The following SDC2 variants were observed in gnomAD, a reference collection of about 807,000 sequenced individuals.
The protein encoded by SDC2 is syndecan 2, also known as syndecan-2.
A neutral mutation model predicts 22.2 loss-of-function variants in SDC2; 13 were observed. The observed-to-expected ratio is 0.59, with a 90% CI of 0.38 to 0.93. The LOEUF is 0.93. Ranked by LOEUF, SDC2 falls within the 40% of genes least tolerant of loss-of-function variation. The pLI is 0.00. For synonymous variants in SDC2, 94 were observed against 92.8 expected, an observed-to-expected ratio of 1.01 and a Z score of -0.07; for missense variants, 235 against 246.8, an observed-to-expected ratio of 0.95 and a Z score of 0.32.
At chr8:96,563,009 C>T (rs1467311886) in intron 1 of SDC2, among the ~76,000 whole-genome samples, 2 of 152,108 alleles carry the variant, frequency 1.3e-5, no homozygotes, top group Non-Finnish European at 2.9e-5. Flanking sequence ...AATTTGTTTT[C>T]GTGGCTCTGT....
At chr8:96,591,089 C>T (rs1211844551) in intron 1 of SDC2, among the ~76,000 whole-genome samples, 1 of 152,160 alleles carries the variant, frequency 6.6e-6, no homozygotes, top group Non-Finnish European at 1.5e-5. Context: ...GCCCATCTGC[C>T]TGGTAGCATG....
At chr8:96,551,318 A>C (rs578046100) in intron 1 of SDC2, among the ~76,000 whole-genome samples, 1 of 152,282 alleles carries the variant, frequency 6.6e-6, no homozygotes, top group Non-Finnish European at 1.5e-5. Context: ...ATCGAAACTC[A>C]CCTCTTTTCA....
rs973670145 is a variant in SDC2, at chr8:96,611,083, G to C, written c.*1535G>C. The C allele has an allele frequency of 6.6e-6, 1 of 152,594 alleles. No homozygotes were observed. Among genetic ancestry groups the C allele is most frequent in the African/African-American group, 2.4e-5 (1 of 41,426 alleles). The allele number at this position is 152,594 out of a possible 1,614,324, so 9.5% of individuals were successfully genotyped here. On this transcript the variant is annotated 3_prime_UTR_variant, in exon 5 of 5. Coordinates refer to ENST00000302190, the MANE Select transcript of SDC2 (RefSeq NM_002998.4). The stretch of plus-strand genomic sequence containing the variant: ...AAATGTCTACTGAAGCTTAACCGAA[G>C]AACTAATAAATGGACTACAGTAGCT...
chr8:96,604,080 A>G (rs893433981), intron 3 of SDC2, among the ~76,000 whole-genome samples: 3 of 152,190 alleles, frequency 2.0e-5, no homozygotes, highest in Admixed American at 6.5e-5. Flanking sequence ...TTATTTGACC[A>G]CTTCTCTTGA....
chr8:96,607,507 T>C (rs146419165), intron 3 of SDC2, among the ~76,000 whole-genome samples: 2,616 of 152,306 alleles, frequency 0.017, 72 homozygotes, highest in African/African-American at 0.059. Flanking sequence ...AAAAGGAGGT[T>C]GATCTGATTC....
chr8:96,540,258 G>A (rs994564291), intron 1 of SDC2, among the ~76,000 whole-genome samples: 3 of 150,966 alleles, frequency 2.0e-5, no homozygotes, highest in East Asian at 3.9e-4. Context: ...TTGGGAGGCC[G>A]AGGTGGGTGG....
chr8:96,580,791 T>C (rs889255553), intron 1 of SDC2, among the ~76,000 whole-genome samples: 1 of 152,192 alleles, frequency 6.6e-6, no homozygotes, highest in Admixed American at 6.5e-5. Context: ...CATTGGCTAC[T>C]TTACAGAAGG....
chr8:96,572,061 A>G (rs1202849577), intron 1 of SDC2, among the ~76,000 whole-genome samples: 1 of 152,176 alleles, frequency 6.6e-6, no homozygotes, highest in East Asian at 1.9e-4. Flanking sequence ...TGCTGGCTCA[A>G]GCAGTCTCGT....
chr8:96,591,342 T>A (rs1022149228), intron 1 of SDC2, among the ~76,000 whole-genome samples: 2 of 152,184 alleles, frequency 1.3e-5, no homozygotes, highest in Admixed American at 1.3e-4. Flanking sequence ...ATAGGAGGTT[T>A]GGGGCAGATG....
intron 1 of SDC2, among the ~76,000 whole-genome samples, chr8:96,541,753 A>G (rs534493687): frequency 6.6e-6 from 1 of 152,308 alleles, no homozygotes; most frequent in Non-Finnish European, 1.5e-5. Flanking sequence ...TGAGATGAAA[A>G]GAGTTCTGGA....
intron 1 of SDC2, among the ~76,000 whole-genome samples, chr8:96,554,809 G>A (rs113988782): frequency 0.011 from 1,598 of 152,146 alleles, 28 homozygotes; most frequent in East Asian, 0.044. Context: ...CAGGTCTGGC[G>A]GCTGCTTGTT....
chr8:96,544,200 G>C (rs1813896247), intron 1 of SDC2, among the ~76,000 whole-genome samples: 1 of 152,116 alleles, frequency 6.6e-6, no homozygotes, highest in Middle Eastern at 3.2e-3. Context: ...AATAACCTCG[G>C]TGCCTTTGGG....
chr8:96,593,581 G>T lies in SDC2; in HGVS notation c.162G>T (p.Ala54=), dbSNP rs116458570. The change falls in exon 2 of 5, where the codon GCG becomes GCT. Residue 54 remains alanine (A), a synonymous_variant. Coordinates refer to ENST00000302190, the MANE Select transcript of SDC2 (RefSeq NM_002998.4). ...TTGATGACGATGACTACGCTTCTGC[G>T]TCTGGCTCGGGTAAGGTGGCTGCTT... The part of the protein sequence containing the change: ...YPIDDDDYAS[A]SGSGADEDVE... 2 of 1,610,150 alleles carry T rather than the reference G, an allele frequency of 1.2e-6. No individual in the cohort carries two copies. Among genetic ancestry groups the T allele is most frequent in the East Asian group, 2.2e-5 (1 of 44,866 alleles).
chr8:96,527,013 T>G (rs2130473751), intron 1 of SDC2, among the ~76,000 whole-genome samples: 1 of 152,304 alleles, frequency 6.6e-6, no homozygotes, highest in South Asian at 2.1e-4. Flanking sequence ...TTTTTGGATG[T>G]CAGAGTCATA....
Position 96,611,164 on chromosome 8 carries a change from T to C in SDC2, c.*1616T>C, listed in dbSNP as rs1433500372. 1 of 152,598 alleles carries C rather than the reference T, an allele frequency of 6.6e-6. No homozygotes were observed. The highest frequency in any genetic ancestry group is 1.5e-5 in the Non-Finnish European group (1 of 68,058). The allele number at this position is 152,598 out of a possible 1,614,324, so 9.5% of individuals were successfully genotyped here. On this transcript the variant is annotated 3_prime_UTR_variant, in exon 5 of 5. Coordinates refer to ENST00000302190, the MANE Select transcript of SDC2 (RefSeq NM_002998.4). ...GGCTCTGTGTGTTAAAATGAGGGTC[T>C]CACTGCTTTAGGATTGAAGTGGCTG...
At chr8:96,519,927 G>A (rs888840322) in intron 1 of SDC2, among the ~76,000 whole-genome samples, 3 of 152,248 alleles carry the variant, frequency 2.0e-5, no homozygotes, top group Middle Eastern at 3.4e-3. Flanking sequence ...CACGCTCGGC[G>A]TTAGAAGTAG....
chr8:96,608,121 T>C (rs1815113594), intron 3 of SDC2, among the ~76,000 whole-genome samples: 1 of 152,208 alleles, frequency 6.6e-6, no homozygotes, highest in African/African-American at 2.4e-5. Flanking sequence ...CCGACTTGCC[T>C]GATCATGCGA....
rs143377782 is a variant in SDC2, at chr8:96,513,973, C to T, written c.60+19642C>T. On this transcript the variant is annotated intron_variant, in intron 1 of 4. Coordinates refer to ENST00000302190, the MANE Select transcript of SDC2 (RefSeq NM_002998.4). ...CCTTCTAACCTTAGAAGATTCTGTA[C>T]GACATTTTAAAGGTGAGTGCTGAGC... 5.9e-5 allele frequency among the ~76,000 whole-genome samples: 9 copies of T among 152,224 alleles called. No homozygotes were observed. In the South Asian group the frequency reaches 6.2e-4, roughly 11 times the overall value.
intron 1 of SDC2, among the ~76,000 whole-genome samples, chr8:96,540,340 G>GTATA (rs1554601718): frequency 1.6e-5 from 2 of 123,668 alleles, no homozygotes; most frequent in East Asian, 3.1e-4. Context: ...ATATATATGT[G>GTATA]TATATATATA....
Sources: gnomAD v4.1 joint callset for allele counts (sites outside exome capture counted in the v4.1 genomes callset) on GRCh38, gnomAD v4.1.1 for gene constraint, MANE v1.5 for transcripts, NCBI Gene and HGNC (gene_info 2026-07-23, HGNC 2026-07-21) for gene names.